UTP4: variants seen among roughly 807,000 people sequenced by gnomAD.
The protein encoded by UTP4 is UTP4 small subunit processome component, also known as U3 small nucleolar RNA-associated protein 4 homolog.
In UTP4, 45 loss-of-function variants were observed where a neutral mutation model predicts 82.4. That is an observed-to-expected ratio of 0.55 (90% CI 0.43 to 0.70). The LOEUF is 0.70. Ranked by LOEUF, UTP4 falls within the 30% of genes least tolerant of loss-of-function variation. UTP4 has a pLI of 0.00. For missense variants in UTP4, 819 were observed against 858.3 expected (o/e 0.95, Z 0.57); for synonymous variants, 348 against 300.3 (o/e 1.16, Z -1.64).
chr16:69,161,974 T>C (rs1463117361), intron 13 of UTP4, among the ~76,000 whole-genome samples: 1 of 149,822 alleles, frequency 6.7e-6, no homozygotes, highest in Non-Finnish European at 1.5e-5. Context: ...ATAGGCCTTT[T>C]GTTTTTTTTT....
intron 15 of UTP4, chr16:69,166,195 C>G (rs938918547): frequency 1.8e-5 from 3 of 165,712 alleles, no homozygotes; most frequent in Non-Finnish European, 2.6e-5. Context: ...GTGGCCATGC[C>G]TGTCCTGCAC....
intron 12 of UTP4, among the ~76,000 whole-genome samples, chr16:69,159,028 A>G (rs911456518): frequency 5.3e-5 from 8 of 152,062 alleles, no homozygotes; most frequent in African/African-American, 1.2e-4. Flanking sequence ...CTTCAAGTCT[A>G]TTGAACTTGC....
intron 15 of UTP4, chr16:69,166,166 T>A (rs1310299474): frequency 5.8e-6 from 1 of 171,048 alleles, no homozygotes; most frequent in Non-Finnish European, 1.3e-5. Context: ...GGGCAGGTGC[T>A]TTGTTTCCTA....
At chr16:69,138,287 AG>A (rs1462078516) in intron 4 of UTP4, among the ~76,000 whole-genome samples, 335 of 146,562 alleles carry the variant, frequency 2.3e-3, no homozygotes, top group African/African-American at 7.8e-3. Context: ...CCATGCTGGC[AG>A]TGGCGGTGGC....
Position 69,139,822 on chromosome 16 carries a change from A to C in UTP4, c.437-3A>C. 3 of 1,611,332 alleles carry C rather than the reference A, an allele frequency of 1.9e-6. No homozygotes were observed. Among genetic ancestry groups the C allele is most frequent in the Non-Finnish European group, 1.7e-6 (2 of 1,177,508 alleles). On this transcript the variant is annotated splice_region_variant and splice_polypyrimidine_tract_variant and intron_variant, in intron 4 of 16. Coordinates refer to ENST00000314423, the MANE Select transcript of UTP4 (RefSeq NM_032830.3). ...TTTCTTTTTTTGTTGTCCAACTCCC[A>C]AGGTCGCATCCTGAGTCTCAGCTGG...
At chr16:69,162,902 AAAGAG>A (rs1298560029) in intron 13 of UTP4, among the ~76,000 whole-genome samples, 176 bp from the exon 14 acceptor site, 1 of 151,932 alleles carries the variant, frequency 6.6e-6, no homozygotes, top group Non-Finnish European at 1.5e-5. Context: ...AAAAAAAAAA[AAAGAG>A]AAGAAAAAGA....
At chr16:69,136,352 G>C (rs777749273) in intron 2 of UTP4, among the ~76,000 whole-genome samples, 1 of 152,106 alleles carries the variant, frequency 6.6e-6, no homozygotes, top group Non-Finnish European at 1.5e-5. Flanking sequence ...GTCAGCCTCC[G>C]TAGTAGCTGG....
intron 6 of UTP4, among the ~76,000 whole-genome samples, chr16:69,149,269 A>C (rs1382691834): frequency 6.6e-6 from 1 of 151,994 alleles, no homozygotes; most frequent in Non-Finnish European, 1.5e-5. Flanking sequence ...AATCCCAGCT[A>C]CTCAGGAGGC....
At chr16:69,157,326 C>T in intron 12 of UTP4, 86 bp downstream of exon 12, 1 of 1,305,660 alleles carries the variant, frequency 7.7e-7, no homozygotes, top group Non-Finnish European at 1.1e-6. Flanking sequence ...TCGGGGGTTC[C>T]CTCATGTTCC....
chr16:69,167,679 CA>C (rs1299324301), intron 16 of UTP4: 1 of 147,286 alleles, frequency 6.8e-6, no homozygotes, highest in Non-Finnish European at 1.5e-5. Flanking sequence ...ACTGATTACT[CA>C]AATGACTCAA....
At chr16:69,140,023 CAT>C (rs1962917184) in intron 5 of UTP4, 109 bp downstream of exon 5, 6 of 807,728 alleles carry the variant, frequency 7.4e-6, no homozygotes, top group African/African-American at 3.4e-5. Flanking sequence ...TATGGCCTAA[CAT>C]GTCATTAATC....
At chr16:69,153,840 T>C (rs1963341525) in intron 9 of UTP4, 160 bp downstream of exon 9, 1 of 674,352 alleles carries the variant, frequency 1.5e-6, no homozygotes, top group South Asian at 1.7e-5. Context: ...ATAAGCTGTT[T>C]AGAGTATTAG....
In UTP4 at chr16:69,163,137, C is replaced by T; in HGVS notation, c.1606C>T (p.Pro536Ser). 1 of 1,614,130 alleles carries T rather than the reference C, an allele frequency of 6.2e-7. No individual in the cohort carries two copies. The highest frequency in any genetic ancestry group is 8.5e-7 in the Non-Finnish European group (1 of 1,180,010). ...NFPVTAMAIA[P>S]NTNNLVIAHS... ...CCCAGTGACTGCTATGGCTATTGCC[C>T]CCAATACCAACAACCTTGTCATCGC... Residue 536 changes from proline (P) to serine (S), a missense_variant, in exon 14 of 17, where the codon CCC becomes TCC. Transcript: ENST00000314423.
At chr16:69,159,984 CAAA>C (rs747900916) in intron 12 of UTP4, among the ~76,000 whole-genome samples, 1 of 90,460 alleles carries the variant, frequency 1.1e-5, no homozygotes. Flanking sequence ...GACTCCATCT[CAAA>C]AAAAAAAAAA....
chr16:69,148,516 G>A (rs142416710), intron 6 of UTP4, among the ~76,000 whole-genome samples: 21 of 152,024 alleles, frequency 1.4e-4, no homozygotes, highest in Admixed American at 7.9e-4. Context: ...ACAGGCCTGA[G>A]CCACCACGCC....
chr16:69,150,533 T>C lies in UTP4; in HGVS notation c.739-4T>C. 1 of 1,614,214 alleles carries C rather than the reference T, an allele frequency of 6.2e-7. No individual in the cohort carries two copies. Among genetic ancestry groups the C allele is most frequent in the Non-Finnish European group, 8.5e-7 (1 of 1,180,036 alleles). ...TGTACCTCCCTCATGATTTAATTCC[T>C]CAGCAAGAAGACAGTTTCGTGGTGG... On this transcript the variant is annotated splice_region_variant and splice_polypyrimidine_tract_variant and intron_variant, in intron 6 of 16. Coordinates refer to ENST00000314423, the MANE Select transcript of UTP4 (RefSeq NM_032830.3).
In UTP4 at chr16:69,160,425, G is replaced by A. The variant is rs1468999895; in HGVS notation, c.1514G>A (p.Ser505Asn). 6.2e-7 allele frequency: 1 copy of A among 1,614,154 alleles called. No homozygotes were observed. Among genetic ancestry groups the A allele is most frequent in the African/African-American group, 1.3e-5 (1 of 75,038 alleles). Residue 505 changes from serine to asparagine, a missense_variant, in exon 13 of 17, where the codon AGT becomes AAT. Physicochemically the swap from Ser to Asn is conservative, Grantham distance 46. Transcript: ENST00000314423. Reference protein sequence around the residue: ...DGNWLAASGTSAGVHVYNVKQ... With the variant: ...DGNWLAASGTNAGVHVYNVKQ... The stretch of plus-strand genomic sequence containing the variant: ...AATTGGCTAGCTGCATCAGGTACCA[G>A]TGCTGGAGTCCATGTCTACAACGTA...
At chr16:69,149,760 G>A (rs929772530) in intron 6 of UTP4, among the ~76,000 whole-genome samples, 3 of 151,292 alleles carry the variant, frequency 2.0e-5, no homozygotes, top group Admixed American at 6.6e-5. Flanking sequence ...CCAGAGTCTC[G>A]CCCTGTTGCC....
intron 6 of UTP4, among the ~76,000 whole-genome samples, chr16:69,147,375 T>C (rs529121289): frequency 1.4e-5 from 2 of 144,750 alleles, no homozygotes; most frequent in Non-Finnish European, 3.1e-5. Flanking sequence ...CGTGGCGGTA[T>C]GCGCCTGTAG....
Sources: allele counts gnomAD v4.1 joint callset (sites outside exome capture counted in the v4.1 genomes callset), GRCh38; gene constraint gnomAD v4.1.1; transcripts MANE v1.5; gene names NCBI Gene and HGNC (gene_info 2026-07-23, HGNC 2026-07-21).